ARPP21: variants seen among roughly 807,000 people sequenced by gnomAD.
ARPP21 encodes cAMP-regulated phosphoprotein 21.
ARPP21 carries 69 observed loss-of-function variants against 113.2 expected under a neutral mutation model. The observed-to-expected ratio is 0.61, with a 90% CI of 0.50 to 0.74. ARPP21 has a LOEUF of 0.74. ARPP21 is among the 30% of genes least tolerant of loss of function. ARPP21 has a pLI of 0.00. For missense variants in ARPP21, 1,070 were observed against 1,037.4 expected (o/e 1.03, Z -0.43); for synonymous variants, 368 against 375.5 (o/e 0.98, Z 0.23).
intron 14 of ARPP21, among the ~76,000 whole-genome samples, chr3:35,722,124 A>G (rs2093134538): frequency 6.6e-6 from 1 of 152,202 alleles, no homozygotes; most frequent in African/African-American, 2.4e-5. Context: ...ATTTAATTTA[A>G]GCACTTAAGT....
intron 1 of ARPP21, among the ~76,000 whole-genome samples, chr3:35,665,430 G>T (rs991678376): frequency 1.3e-5 from 2 of 152,088 alleles, no homozygotes; most frequent in Admixed American, 6.5e-5. Flanking sequence ...TGAGCAAAGT[G>T]CTATACATGG....
At chr3:35,668,021 AAG>A (rs1308627697) in intron 1 of ARPP21, among the ~76,000 whole-genome samples, 1 of 134,806 alleles carries the variant, frequency 7.4e-6, no homozygotes, top group African/African-American at 2.7e-5. Context: ...GAAGAAGAAG[AAG>A]AAGAAGAAGG....
chr3:35,648,597 T>C (rs1271789475), intron 1 of ARPP21, among the ~76,000 whole-genome samples: 1 of 152,174 alleles, frequency 6.6e-6, no homozygotes, highest in Non-Finnish European at 1.5e-5. Flanking sequence ...GATCCTAAAG[T>C]ATCTGCATTA....
At chr3:35,747,923 AAAG>A (rs1041214377) in intron 19 of ARPP21, among the ~76,000 whole-genome samples, 2 of 149,580 alleles carry the variant, frequency 1.3e-5, no homozygotes, top group African/African-American at 5.0e-5. Context: ...AAAGAAAAAG[AAAG>A]AAGGAGGAAA....
At chr3:35,782,855 C>G (rs2096553933) in intron 19 of ARPP21, among the ~76,000 whole-genome samples, 1 of 152,118 alleles carries the variant, frequency 6.6e-6, no homozygotes, top group Non-Finnish European at 1.5e-5. Flanking sequence ...CTTTCTCTGC[C>G]CAGCATGGTG....
chr3:35,790,313 G>T (rs183496878), intron 19 of ARPP21, among the ~76,000 whole-genome samples: 1 of 152,138 alleles, frequency 6.6e-6, no homozygotes, highest in Non-Finnish European at 1.5e-5. Context: ...AAGGAAATCT[G>T]TTGGTTATAA....
intron 19 of ARPP21, among the ~76,000 whole-genome samples, chr3:35,756,487 C>T (rs924574202): frequency 6.6e-6 from 1 of 151,894 alleles, no homozygotes; most frequent in Non-Finnish European, 1.5e-5. Flanking sequence ...AGACCTTCCC[C>T]ATGCTTTCAT....
In ARPP21 at chr3:35,682,851, C is replaced by A. The variant is rs759882309; in HGVS notation, c.133C>A (p.Arg45=). ...DEEEKLELQR[R]LEAQNQERRK... ...TTATTTTCTTTCCAACATACAGAGG[C>A]GGCTGGAGGCTCAGAATCAAGAAAG... Residue 45 remains arginine (R), a synonymous_variant, in exon 4 of 21, where the codon CGG becomes AGG. Transcript: ENST00000684406. 3 of 1,607,202 alleles carry A rather than the reference C, an allele frequency of 1.9e-6. No individual in the cohort carries two copies. The highest frequency in any genetic ancestry group is 1.1e-5 in the South Asian group (1 of 90,290).
At chr3:35,731,551 T>C (rs2093966819) in intron 15 of ARPP21, among the ~76,000 whole-genome samples, 1 of 152,234 alleles carries the variant, frequency 6.6e-6, no homozygotes, top group Non-Finnish European at 1.5e-5. Context: ...TTTTCTAGAA[T>C]ATATTTATTT....
chr3:35,773,756 T>G (rs945632572), intron 19 of ARPP21, among the ~76,000 whole-genome samples: 2 of 152,212 alleles, frequency 1.3e-5, no homozygotes, highest in Non-Finnish European at 1.5e-5. Context: ...ACAACTTTTT[T>G]TAATTAAAAT....
chr3:35,695,904 A>G (rs189158481), intron 9 of ARPP21, among the ~76,000 whole-genome samples: 1 of 151,726 alleles, frequency 6.6e-6, no homozygotes, highest in Admixed American at 6.6e-5. Context: ...CCAAAGGGAA[A>G]TTAGTGAATT....
chr3:35,717,244 G>T (rs577282856), intron 12 of ARPP21, 54 bp from the exon 13 acceptor site: 1 of 981,094 alleles, frequency 1.0e-6, no homozygotes. Flanking sequence ...GTAAACACAA[G>T]GCATTTAGTA....
chr3:35,729,167 T>G, intron 14 of ARPP21, 136 bp from the exon 15 acceptor site: 1 of 603,752 alleles, frequency 1.7e-6, no homozygotes, highest in Non-Finnish European at 2.9e-6. Context: ...AGAGGGGCAT[T>G]AGTTAATCTC....
intron 19 of ARPP21, among the ~76,000 whole-genome samples, chr3:35,747,218 G>C (rs2095114557): frequency 6.6e-6 from 1 of 152,038 alleles, no homozygotes; most frequent in Non-Finnish European, 1.5e-5. Context: ...GCTGGGCATG[G>C]TGGCGGGTGC....
intron 15 of ARPP21, among the ~76,000 whole-genome samples, chr3:35,736,834 G>A (rs1205638349): frequency 6.6e-6 from 1 of 152,224 alleles, no homozygotes; most frequent in Non-Finnish European, 1.5e-5. Flanking sequence ...TAATGGCTGT[G>A]AGGTGCAGTG....
intron 11 of ARPP21, among the ~76,000 whole-genome samples, chr3:35,709,574 A>C (rs913435935): frequency 6.6e-6 from 1 of 152,198 alleles, no homozygotes; most frequent in Non-Finnish European, 1.5e-5. Flanking sequence ...CTCAATTTCA[A>C]ATCAAATCTG....
At chr3:35,748,103 AAAGAAAG>A (rs1187565830) in intron 19 of ARPP21, among the ~76,000 whole-genome samples, 2 of 137,748 alleles carry the variant, frequency 1.5e-5, no homozygotes, top group African/African-American at 2.9e-5. Context: ...AGAAAGAAAG[AAAGAAAG>A]AAGAAAGAAA....
intron 19 of ARPP21, among the ~76,000 whole-genome samples, chr3:35,766,245 C>T (rs1242946580): frequency 6.6e-6 from 1 of 152,094 alleles, no homozygotes; most frequent in Non-Finnish European, 1.5e-5. Flanking sequence ...CCACATGGCT[C>T]TCCCAAGTTC....
chr3:35,699,274 A>G (rs966758101), intron 9 of ARPP21, among the ~76,000 whole-genome samples: 38 of 151,678 alleles, frequency 2.5e-4, no homozygotes, highest in African/African-American at 8.2e-4. Flanking sequence ...GATTTCCTCA[A>G]TCTGCATCTT....
Sources: gnomAD v4.1 joint callset for allele counts (sites outside exome capture counted in the v4.1 genomes callset) on GRCh38, gnomAD v4.1.1 for gene constraint, MANE v1.5 for transcripts, NCBI Gene and HGNC (gene_info 2026-07-23, HGNC 2026-07-21) for gene names.